CFAP74: variants seen among roughly 807,000 people sequenced by gnomAD.
CFAP74 encodes the protein cilia- and flagella-associated protein 74.
Under a neutral mutation model 188.9 loss-of-function variants are expected in CFAP74, and 124 were observed. The ratio of observed to expected loss-of-function variants is 0.66; its 90% CI spans 0.57 to 0.76. The LOEUF is 0.76. Among genes scored for constraint, CFAP74 ranks in the 30% least tolerant of loss-of-function variants. CFAP74 has a pLI of 0.00. For synonymous variants in CFAP74, 956 were observed against 916.7 expected, an observed-to-expected ratio of 1.04 and a Z score of -0.77; for missense variants, 2,198 against 2,165.2, an observed-to-expected ratio of 1.02 and a Z score of -0.30.
intron 25 of CFAP74, 63 bp from the exon 26 acceptor site, chr1:1,930,399 C>A (rs534794261): frequency 1.4e-6 from 2 of 1,442,258 alleles, no homozygotes; most frequent in Non-Finnish European, 1.8e-6. Context: ...CTGCGGCAGG[C>A]GCGGGGGCCA....
intron 25 of CFAP74, among the ~76,000 whole-genome samples, chr1:1,933,156 G>A (rs1010220123): frequency 3.3e-5 from 5 of 150,568 alleles, no homozygotes; most frequent in East Asian, 2.0e-4. Context: ...AAAGTGCTGG[G>A]ATTACATGCG....
intron 23 of CFAP74, among the ~76,000 whole-genome samples, chr1:1,940,057 G>A (rs1373726802): frequency 6.6e-6 from 1 of 152,118 alleles, no homozygotes; most frequent in Non-Finnish European, 1.5e-5. Context: ...GAGTGTGTGG[G>A]GCACCCCTCA....
chr1:1,922,933 AG>A lies in CFAP74; in HGVS notation c.4683+51del, dbSNP rs573166618. ...CAGGAGGGTCAGGGCTGCCCAGGGC[AG>A]GGGAGGCCGAGGGGGCTGCCTGGTG... On this transcript the variant is annotated intron_variant, in intron 37 of 38. Coordinates refer to ENST00000682832, the MANE Select transcript of CFAP74 (RefSeq NM_001304360.2). The A allele has an allele frequency of 1.8e-3, 2,686 of 1,528,818 alleles. 7 individuals carry two copies. Among genetic ancestry groups the A allele is most frequent in the Admixed American group, 2.8e-3 (128 of 46,444 alleles). 94.7% of individuals were successfully genotyped at this position (1,528,818 alleles called of 1,614,324 possible).
Position 1,926,270 on chromosome 1 carries a change from G to C in CFAP74, c.3906C>G (p.Thr1302=). The C allele has an allele frequency of 6.5e-7, 1 of 1,538,250 alleles. No individual in the cohort carries two copies. The highest frequency in any genetic ancestry group is 2.5e-5 in the East Asian group (1 of 40,786). The change falls in exon 32 of 39, where the codon ACC becomes ACG. Residue 1302 remains threonine (T), a synonymous_variant. Coordinates refer to ENST00000682832, the MANE Select transcript of CFAP74 (RefSeq NM_001304360.2). ...NHSSLLRAGG[T]QVLVLSFSPH... is the part of the protein sequence containing the mutation. ...GAGAGAAGGAAAGCACCAGGACCTGGGTCCCACCTGCACGCAGCAGGCTGG... is the reference window on the plus strand; with the variant it reads ...GAGAGAAGGAAAGCACCAGGACCTGCGTCCCACCTGCACGCAGCAGGCTGG...
At position 1,975,483 on chromosome 1, in the gene CFAP74, C is replaced by T. The variant is rs994702654; in HGVS notation, c.501-1285G>A. 1.3e-5 allele frequency among the ~76,000 whole-genome samples: 2 copies of T among 152,128 alleles called. No individual in the cohort carries two copies. The highest frequency in any genetic ancestry group is 4.8e-5 in the African/African-American group (2 of 41,420). On this transcript the variant is annotated intron_variant, in intron 6 of 38. Transcript: ENST00000682832. This position sits in a 1 kb window ranked among gnomAD's most constrained non-coding sequence, Gnocchi z 4.5. ...GGTTTTCTGATTTGCCTCCTGAGAT[C>T]GGGTTCTACTTTCCCTCTCTCGTAC...
At chr1:1,945,265 A>G (rs1229060717) in intron 20 of CFAP74, among the ~76,000 whole-genome samples, 1 of 152,132 alleles carries the variant, frequency 6.6e-6, no homozygotes, top group Non-Finnish European at 1.5e-5. Flanking sequence ...CAAGACAGTG[A>G]GATCTGCTTC....
intron 6 of CFAP74, among the ~76,000 whole-genome samples, chr1:1,979,405 GTGCAGAACA>G (rs1437774839): frequency 1.3e-4 from 19 of 148,248 alleles, no homozygotes; most frequent in African/African-American, 4.5e-4. Context: ...TGACAAGGCT[GTGCAGAACA>G]CGCGTGTGGT....
At chr1:1,969,702 A>G (rs1343352193) in intron 10 of CFAP74, among the ~76,000 whole-genome samples, 1 of 151,194 alleles carries the variant, frequency 6.6e-6, no homozygotes, top group African/African-American at 2.4e-5. Context: ...TGCTGCCAGG[A>G]CCCCCCCGCC....
At chr1:1,927,168 G>A (rs777238993) in intron 28 of CFAP74, 140 bp from the exon 29 acceptor site, 134 of 996,510 alleles carry the variant, frequency 1.3e-4, no homozygotes, top group Middle Eastern at 2.9e-4. Flanking sequence ...CTGACAAACT[G>A]GCTTTTCCAC....
chr1:1,996,555 GA>G (rs1388382742), intron 1 of CFAP74, among the ~76,000 whole-genome samples: 15 of 152,166 alleles, frequency 9.9e-5, no homozygotes. Flanking sequence ...AAAAAATAGA[GA>G]AAAAATCAGA....
At chr1:1,996,516 T>C (rs1241145610) in intron 1 of CFAP74, among the ~76,000 whole-genome samples, 2 of 152,178 alleles carry the variant, frequency 1.3e-5, no homozygotes, top group East Asian at 1.9e-4. Flanking sequence ...GATCAGATTA[T>C]TCACTATGGG....
In CFAP74 at chr1:1,923,484, T is replaced by A; in HGVS notation, c.4405A>T (p.Ile1469Phe). 1.9e-6 allele frequency: 3 copies of A among 1,610,096 alleles called. No individual in the cohort carries two copies. The highest frequency in any genetic ancestry group is 2.5e-6 in the Non-Finnish European group (3 of 1,178,026). ...TGACAGGCGGCACCCTTCAGCAGGA[T>A]CTGGTGGGAGATTTTCTGGGGACAA... Reference protein sequence around the residue: ...VLFEKKISHQILLKGAACQHM... With the variant: ...VLFEKKISHQFLLKGAACQHM... The change falls in exon 36 of 39, where the codon ATC becomes TTC. Residue 1469 changes from isoleucine to phenylalanine, a missense_variant. Transcript: ENST00000682832. This position sits in a 1 kb window ranked among gnomAD's most constrained non-coding sequence, Gnocchi z 6.3.
At position 1,944,336 on chromosome 1, in the gene CFAP74, G is replaced by T. The variant is rs1225736662; in HGVS notation, c.2481C>A (p.His827Gln). 6 of 1,535,356 alleles carry T rather than the reference G, an allele frequency of 3.9e-6. No homozygotes were observed. In the East Asian group the frequency reaches 1.5e-4, roughly 38 times the overall value. ...DRLYQDSVLV[H>Q]TRSKAALRLK... ...ATGGACAGGAGGGGGCTCACCGCGT[G>T]TGCACGAGCACAGAGTCCTGGTAGA... The change falls in exon 21 of 39, where the codon CAC (histidine) becomes CAA (glutamine). Residue 827 changes from histidine (H) to glutamine (Q), a missense_variant. Transcript: ENST00000682832.
Position 1,988,568 on chromosome 1 carries a change from G to A in CFAP74, c.240C>T (p.Asn80=). 1 of 1,613,440 alleles carries A rather than the reference G, an allele frequency of 6.2e-7. No individual in the cohort carries two copies. The highest frequency in any genetic ancestry group is 8.5e-7 in the Non-Finnish European group (1 of 1,180,026). The change falls in exon 4 of 39, where the codon AAC becomes AAT. Residue 80 remains asparagine, a synonymous_variant. Transcript: ENST00000682832. ...DRTQAFHLRQ[N]LSALDKMHEE... The stretch of plus-strand genomic sequence containing the variant: ...CATGCATCTTATCCAGGGCGCTCAG[G>A]TTCTGCCGCAGGTGAAATGCCTGCG...
chr1:1,924,070 G>GC (rs1218320688), intron 34 of CFAP74, 141 bp from the exon 35 acceptor site: 33 of 701,382 alleles, frequency 4.7e-5, no homozygotes, highest in Non-Finnish European at 6.3e-5. Context: ...ATGGCCTTGC[G>GC]CCCCCCACTC....
chr1:1,924,181 CTG>C (rs1651639503), intron 34 of CFAP74, among the ~76,000 whole-genome samples: 3 of 20,416 alleles, frequency 1.5e-4, no homozygotes, highest in African/African-American at 5.9e-4. Flanking sequence ...ACCTCACCAA[CTG>C]CCCCCCACCC....
chr1:1,941,412 C>G (rs933364798), intron 22 of CFAP74, among the ~76,000 whole-genome samples: 14 of 152,234 alleles, frequency 9.2e-5, no homozygotes, highest in African/African-American at 3.4e-4. Context: ...AACAAATGTT[C>G]AAGCGCAGAA....
rs760421247 is a variant in CFAP74 at position 1,960,093 on chromosome 1, C to T, written c.1695-63G>A. The T allele has an allele frequency of 4.3e-6, 6 of 1,407,884 alleles. No individual in the cohort carries two copies. The Admixed American group carries it at 1.1e-4, about 27-fold the overall frequency. 87.2% of individuals were successfully genotyped at this position (1,407,884 alleles called of 1,614,324 possible). Reference sequence around the variant, plus strand: ...TGCGGAGGGCAGACGCTCGCCTCACCACCCAGAGCACAGTCAGGCTGGGCC... The same window carrying T: ...TGCGGAGGGCAGACGCTCGCCTCACTACCCAGAGCACAGTCAGGCTGGGCC... On this transcript the variant is annotated intron_variant, in intron 14 of 38. Coordinates refer to ENST00000682832, the MANE Select transcript of CFAP74 (RefSeq NM_001304360.2).
In CFAP74 at chr1:1,942,883, C is replaced by G. The variant is rs1653481974; in HGVS notation, c.2487-727G>C. Among the ~76,000 whole-genome samples the G allele has an allele frequency of 6.6e-6, 1 of 152,174 alleles. No individual in the cohort carries two copies. Among genetic ancestry groups the G allele is most frequent in the African/African-American group, 2.4e-5 (1 of 41,442 alleles). ...AGGGTGTGGCAGTGAGAAATCTCCT[C>G]CCTCCTGTGCTTCCATGCGACAGTC... On this transcript the variant is annotated intron_variant, in intron 21 of 38. Transcript: ENST00000682832. The surrounding 1 kb of genome is among the most constrained non-coding windows in gnomAD (Gnocchi z 4.3).
Sources: gnomAD v4.1 joint callset for allele counts (sites outside exome capture counted in the v4.1 genomes callset) on GRCh38, gnomAD v4.1.1 for gene constraint, Gnocchi (gnomAD v3.1) non-coding constraint, MANE v1.5 for transcripts, NCBI Gene and HGNC (gene_info 2026-07-23, HGNC 2026-07-21) for gene names.